ASH1L: variants seen among roughly 807,000 people sequenced by gnomAD.
The protein encoded by ASH1L is histone-lysine N-methyltransferase ASH1L.
A neutral mutation model predicts 269.0 loss-of-function variants in ASH1L; 23 were observed. The ratio of observed to expected loss-of-function variants is 0.09; its 90% CI spans 0.06 to 0.12. The LOEUF is 0.12. Among genes scored for constraint, ASH1L ranks in the 10% least tolerant of loss-of-function variants. ASH1L has a pLI of 1.00. For missense variants in ASH1L, 2,912 were observed against 3,567.8 expected, an observed-to-expected ratio of 0.82 and a Z score of 4.68; for synonymous variants, 1,187 against 1,253.5, an observed-to-expected ratio of 0.95 and a Z score of 1.12.
rs1199463270 is a variant in ASH1L, at chr1:155,434,211, C to G, written c.5828+4116G>C. 2.5e-6 allele frequency: 4 copies of G among 1,597,592 alleles called. No individual in the cohort carries two copies. The Admixed American group carries it at 5.3e-5, about 21-fold the overall frequency. ...TCGGTCCCTTTCCCTGAGGGGGAAG[C>G]CTTTCCCCCGTCTCCGTCACCACCC... is the stretch of plus-strand genomic sequence containing the variant. On this transcript the variant is annotated intron_variant, in intron 5 of 27. Coordinates refer to ENST00000392403, the MANE Select transcript of ASH1L (RefSeq NM_018489.3).
chr1:155,474,621 A>G (rs866365604), intron 3 of ASH1L, among the ~76,000 whole-genome samples: 2 of 152,160 alleles, frequency 1.3e-5, no homozygotes, highest in Non-Finnish European at 2.9e-5. Context: ...AAATGGCTTG[A>G]GCCCAGGAAA....
chr1:155,389,046 C>T (rs1211053452), intron 7 of ASH1L, among the ~76,000 whole-genome samples: 8 of 149,590 alleles, frequency 5.3e-5, no homozygotes, highest in African/African-American at 9.9e-5. Flanking sequence ...TGCTCTGTCA[C>T]GCAGGCTGGA....
At chr1:155,446,625 TCTTTTTTTTTTTTTG>T (rs1663055164) in intron 4 of ASH1L, among the ~76,000 whole-genome samples, 1 of 149,800 alleles carries the variant, frequency 6.7e-6, no homozygotes, top group Non-Finnish European at 1.5e-5. Context: ...TTTTTTTTTT[TCTTTTTTTTTTTTTG>T]AGACGGAGTC....
intron 13 of ASH1L, 91 bp from the exon 14 acceptor site, chr1:155,357,840 G>T: frequency 7.9e-7 from 1 of 1,261,148 alleles, no homozygotes; most frequent in Non-Finnish European, 1.1e-6. Flanking sequence ...GTATGATCAT[G>T]GCTCACTGCA....
intron 10 of ASH1L, among the ~76,000 whole-genome samples, chr1:155,372,529 G>A (rs972400537): frequency 1.3e-5 from 2 of 151,620 alleles, no homozygotes; most frequent in African/African-American, 2.4e-5. Context: ...GGCTGGTCTC[G>A]AACTCCTGGC....
At position 155,338,120 on chromosome 1, in the gene ASH1L, G is replaced by A. The variant is rs1403586119; in HGVS notation, c.8772C>T (p.Leu2924=). 6 of 1,613,880 alleles carry A rather than the reference G, an allele frequency of 3.7e-6. No homozygotes were observed. Among genetic ancestry groups the A allele is most frequent in the South Asian group, 3.3e-5 (3 of 91,044 alleles). Residue 2924 remains leucine, a synonymous_variant, in exon 27 of 28, where the codon CTC becomes CTT. Transcript: ENST00000392403. ...TTCCAGGGATTTTTTCAAGGAGATTGAGCAAGATCTGGTTGAGTCGTTCCC... is the reference window on the plus strand; with the variant it reads ...TTCCAGGGATTTTTTCAAGGAGATTAAGCAAGATCTGGTTGAGTCGTTCCC... ...NQRERLNQIL[L]NLLEKIPGKN...
intron 5 of ASH1L, among the ~76,000 whole-genome samples, chr1:155,428,824 T>C (rs1007148566): frequency 6.6e-6 from 1 of 152,172 alleles, no homozygotes; most frequent in Non-Finnish European, 1.5e-5. Context: ...CTAATATCTA[T>C]AGAAACAATG....
At chr1:155,368,854 TA>T (rs1218035958) in intron 12 of ASH1L, among the ~76,000 whole-genome samples, 1 of 152,198 alleles carries the variant, frequency 6.6e-6, no homozygotes. Flanking sequence ...CACAAAGAAG[TA>T]TTACTCCACA....
chr1:155,501,756 G>A (rs979079861), intron 2 of ASH1L, among the ~76,000 whole-genome samples: 4 of 152,140 alleles, frequency 2.6e-5, no homozygotes, highest in Admixed American at 6.5e-5. Flanking sequence ...TCCACCTCCC[G>A]GGTTCAAGCG....
At chr1:155,388,263 CA>C (rs1657605701) in intron 7 of ASH1L, among the ~76,000 whole-genome samples, 1 of 152,100 alleles carries the variant, frequency 6.6e-6, no homozygotes, top group Admixed American at 6.6e-5. Flanking sequence ...TGCCACTCAC[CA>C]ATGACAACTG....
intron 6 of ASH1L, among the ~76,000 whole-genome samples, chr1:155,407,598 A>C (rs1659402820): frequency 6.6e-6 from 1 of 152,196 alleles, no homozygotes; most frequent in African/African-American, 2.4e-5. Flanking sequence ...TAAAAAATAA[A>C]AACGTGGATG....
At chr1:155,409,784 A>T (rs1391633197) in intron 6 of ASH1L, among the ~76,000 whole-genome samples, 1 of 152,092 alleles carries the variant, frequency 6.6e-6, no homozygotes, top group Non-Finnish European at 1.5e-5. Flanking sequence ...AGATTTTTTT[A>T]AACCTAAATT....
chr1:155,344,180 T>C lies in ASH1L; in HGVS notation c.7981+3A>G. On this transcript the variant is annotated splice_donor_region_variant and intron_variant, in intron 22 of 27. Coordinates refer to ENST00000392403, the MANE Select transcript of ASH1L (RefSeq NM_018489.3). Reference sequence around the variant, plus strand: ...CAAGTAGGATTAGCTCCTGTATACATACCCTGACGAAGCAGCAAGTCATCT... The same window carrying C: ...CAAGTAGGATTAGCTCCTGTATACACACCCTGACGAAGCAGCAAGTCATCT... 2 of 1,613,766 alleles carry C rather than the reference T, an allele frequency of 1.2e-6. No individual in the cohort carries two copies. Among genetic ancestry groups the C allele is most frequent in the Non-Finnish European group, 1.7e-6 (2 of 1,179,716 alleles).
At chr1:155,402,707 G>A (rs1337949146) in intron 6 of ASH1L, among the ~76,000 whole-genome samples, 1 of 151,944 alleles carries the variant, frequency 6.6e-6, no homozygotes, top group East Asian at 1.9e-4. Context: ...GTGCCACTAT[G>A]CCTGGATAAT....
In ASH1L at chr1:155,559,438, G is replaced by C. The variant is rs561080706; in HGVS notation, c.-100+2715C>G. ...TAATCCCAGCTACTCGGGAGGCTGAGGCAGGAGAGTCACTTGAACCCAGGA... is the reference window on the plus strand; with the variant it reads ...TAATCCCAGCTACTCGGGAGGCTGACGCAGGAGAGTCACTTGAACCCAGGA... On this transcript the variant is annotated intron_variant, in intron 1 of 27. Transcript: ENST00000392403. 2.0e-5 allele frequency among the ~76,000 whole-genome samples: 3 copies of C among 151,832 alleles called. No homozygotes were observed. In the South Asian group the frequency reaches 6.3e-4, roughly 32 times the overall value.
Position 155,343,849 on chromosome 1 carries a change from C to A in ASH1L, c.7982-107G>T. 1 of 1,289,164 alleles carries A rather than the reference C, an allele frequency of 7.8e-7. No individual in the cohort carries two copies. Among genetic ancestry groups the A allele is most frequent in the South Asian group, 1.4e-5 (1 of 69,772 alleles). The allele number at this position is 1,289,164 out of a possible 1,614,324, so 79.9% of individuals were successfully genotyped here. On this transcript the variant is annotated intron_variant, in intron 22 of 27. Transcript: ENST00000392403. This position sits in a 1 kb window ranked among gnomAD's most constrained non-coding sequence, Gnocchi z 6.1. ...TCTACATAGAACTCATAATCTGAAA[C>A]AGTATAAATACAGAGAGCTAAAAGC...
chr1:155,446,797 G>A (rs914358660), intron 4 of ASH1L, among the ~76,000 whole-genome samples: 1 of 151,532 alleles, frequency 6.6e-6, no homozygotes, highest in African/African-American at 2.4e-5. Flanking sequence ...AATTTTTTTT[G>A]TATTTTTAGT....
intron 4 of ASH1L, among the ~76,000 whole-genome samples, chr1:155,457,760 G>C (rs915258790): frequency 1.3e-5 from 2 of 152,156 alleles, no homozygotes; most frequent in East Asian, 3.9e-4. Context: ...CTAATTCAAT[G>C]AACAGAATAG....
At chr1:155,438,096 C>T (rs900791588) in intron 5 of ASH1L, among the ~76,000 whole-genome samples, 1 of 152,204 alleles carries the variant, frequency 6.6e-6, no homozygotes, top group Non-Finnish European at 1.5e-5. Flanking sequence ...GATCCATCCA[C>T]CTCGGCCTCC....
Sources: allele counts gnomAD v4.1 joint callset (sites outside exome capture counted in the v4.1 genomes callset), GRCh38; gene constraint gnomAD v4.1.1; non-coding constraint Gnocchi (gnomAD v3.1); transcripts MANE v1.5; gene names NCBI Gene and HGNC (gene_info 2026-07-23, HGNC 2026-07-21).